The following AKAP6 variants were observed in gnomAD, a reference collection of about 807,000 sequenced individuals.
AKAP6 encodes the protein A-kinase anchoring protein 6.
In AKAP6, 58 loss-of-function variants were observed where a neutral mutation model predicts 188.5. The observed-to-expected ratio is 0.31, with a 90% CI of 0.25 to 0.38. AKAP6 has a LOEUF of 0.38. Ranked by LOEUF, AKAP6 falls within the 10% of genes least tolerant of loss-of-function variation. The probability of loss-of-function intolerance (pLI) is 1.00; values close to 1 mark genes in which losing one functional copy is unlikely to be tolerated. For missense variants in AKAP6, 2,710 were observed against 2,740.0 expected (o/e 0.99, Z 0.24); for synonymous variants, 989 against 998.6 (o/e 0.99, Z 0.18).
At chr14:32,628,129 C>T (rs1002726523) in intron 7 of AKAP6, 3 of 152,062 alleles carry the variant, frequency 2.0e-5, no homozygotes, top group African/African-American at 7.2e-5. Context: ...ACACAATAAT[C>T]TTCCACAGAG....
At chr14:32,622,499 C>G (rs529960777) in intron 7 of AKAP6, among the ~76,000 whole-genome samples, 3 of 152,012 alleles carry the variant, frequency 2.0e-5, no homozygotes, top group African/African-American at 7.2e-5. Context: ...ATATAAGGTG[C>G]TGACCCTAGG....
At chr14:32,398,285 T>G (rs574762866) in intron 1 of AKAP6, among the ~76,000 whole-genome samples, 15 of 152,324 alleles carry the variant, frequency 9.8e-5, no homozygotes, top group Admixed American at 3.3e-4. Flanking sequence ...ATTGTGTGTG[T>G]GGGGCCTTCT....
At chr14:32,447,829 TG>T (rs1186167352) in intron 2 of AKAP6, among the ~76,000 whole-genome samples, 2 of 152,222 alleles carry the variant, frequency 1.3e-5, no homozygotes, top group Non-Finnish European at 2.9e-5. Context: ...TGCTCACTCA[TG>T]GCCTTCTCTC....
chr14:32,569,271 T>C (rs576901497), intron 4 of AKAP6, among the ~76,000 whole-genome samples: 3 of 152,246 alleles, frequency 2.0e-5, no homozygotes, highest in Non-Finnish European at 4.4e-5. Context: ...AGCCTTCTCA[T>C]TCAACCTTTA....
intron 7 of AKAP6, among the ~76,000 whole-genome samples, chr14:32,655,098 A>G (rs1888402315): frequency 6.6e-6 from 1 of 152,204 alleles, no homozygotes; most frequent in East Asian, 1.9e-4. Flanking sequence ...TTGATTAATG[A>G]AGTAAAAATA....
At chr14:32,437,329 AGCTACTCATTACCTAACTT>A (rs1050627898) in intron 2 of AKAP6, among the ~76,000 whole-genome samples, 1 of 152,170 alleles carries the variant, frequency 6.6e-6, no homozygotes, top group African/African-American at 2.4e-5. Context: ...CAAAAAAAGA[AGCTACTCATTACCTAACTT>A]GTCTACACAC....
At chr14:32,582,868 G>A (rs1375489192) in intron 5 of AKAP6, among the ~76,000 whole-genome samples, 2 of 151,912 alleles carry the variant, frequency 1.3e-5, no homozygotes, top group Non-Finnish European at 2.9e-5. Context: ...CTCTGTATTG[G>A]TTATTCTAGT....
chr14:32,809,376 A>G (rs1469442764), intron 12 of AKAP6, among the ~76,000 whole-genome samples: 1 of 152,228 alleles, frequency 6.6e-6, no homozygotes, highest in South Asian at 2.1e-4. Flanking sequence ...TCAGTCTTCA[A>G]TCTGACACTT....
chr14:32,719,212 T>G (rs76003156), intron 9 of AKAP6, among the ~76,000 whole-genome samples: 46 of 152,282 alleles, frequency 3.0e-4, no homozygotes, highest in African/African-American at 1.1e-3. Context: ...GCACTTGCAT[T>G]GTGTTTTGGG....
chr14:32,466,845 A>ATATATATATATATATATAT (rs1555331130), intron 2 of AKAP6, among the ~76,000 whole-genome samples: 1 of 144,222 alleles, frequency 6.9e-6, no homozygotes, highest in African/African-American at 2.6e-5. Flanking sequence ...ATATATATAT[A>ATATATATATATATATATAT]TTTTCTTTCT....
chr14:32,389,881 G>C (rs1259382487), intron 1 of AKAP6, among the ~76,000 whole-genome samples: 1 of 152,080 alleles, frequency 6.6e-6, no homozygotes, highest in African/African-American at 2.4e-5. Context: ...CTTGTATTTG[G>C]ATGTGTGGGT....
intron 1 of AKAP6, among the ~76,000 whole-genome samples, chr14:32,342,683 T>C (rs1337266849): frequency 6.6e-6 from 1 of 152,110 alleles, no homozygotes; most frequent in African/African-American, 2.4e-5. Context: ...TGCACTGTGG[T>C]AAAGAGAGGA....
Position 32,332,642 on chromosome 14 carries a change from T to C in AKAP6, c.-35+3234T>C, listed in dbSNP as rs117341528. 6.4e-3 allele frequency among the ~76,000 whole-genome samples: 978 copies of C among 152,238 alleles called. 11 individuals carry two copies. Among genetic ancestry groups the C allele is most frequent in the Middle Eastern group, 0.014 (4 of 294 alleles). Reference sequence around the variant, plus strand: ...AAACCTGTCTTATCAGCTATATTTGTGGTGCTTTGTTAACTTTAAGATGTT... The same window carrying C: ...AAACCTGTCTTATCAGCTATATTTGCGGTGCTTTGTTAACTTTAAGATGTT... On this transcript the variant is annotated intron_variant, in intron 1 of 13. Coordinates refer to ENST00000280979, the MANE Select transcript of AKAP6 (RefSeq NM_004274.5).
At chr14:32,561,285 T>C (rs1594744930) in intron 4 of AKAP6, among the ~76,000 whole-genome samples, 1 of 152,160 alleles carries the variant, frequency 6.6e-6, no homozygotes, top group Non-Finnish European at 1.5e-5. Context: ...ATCTAGGGAA[T>C]TAGCACCATA....
At chr14:32,789,421 TGGGTGAGACCTCCCAACAG>T (rs2033537791) in intron 12 of AKAP6, among the ~76,000 whole-genome samples, 1 of 152,224 alleles carries the variant, frequency 6.6e-6, no homozygotes, top group Non-Finnish European at 1.5e-5. Flanking sequence ...TCCTCCTGAC[TGGGTGAGACCTCCCAACAG>T]GGGTCTCCAG....
At chr14:32,523,472 CTT>C (rs553132622) in intron 2 of AKAP6, among the ~76,000 whole-genome samples, 13 of 142,744 alleles carry the variant, frequency 9.1e-5, no homozygotes, top group East Asian at 2.0e-4. Context: ...CTCTCTCTCT[CTT>C]TTTTTTTTTT....
At chr14:32,818,737 C>T (rs1473483532) in intron 12 of AKAP6, among the ~76,000 whole-genome samples, 2 of 152,100 alleles carry the variant, frequency 1.3e-5, no homozygotes, top group Non-Finnish European at 2.9e-5. Flanking sequence ...GAAGATGAGT[C>T]TGACTTGCAG....
chr14:32,423,995 A>G (rs186833572), intron 1 of AKAP6, among the ~76,000 whole-genome samples: 20 of 152,206 alleles, frequency 1.3e-4, no homozygotes, highest in Admixed American at 5.9e-4. Flanking sequence ...TCAAACTTGT[A>G]TTCATTCTCT....
intron 2 of AKAP6, among the ~76,000 whole-genome samples, chr14:32,482,982 T>A (rs1437413481): frequency 8.5e-6 from 1 of 117,756 alleles, no homozygotes; most frequent in African/African-American, 2.9e-5. Context: ...TCTGTGTGTG[T>A]GTGTGTGTAT....
Sources: allele counts gnomAD v4.1 joint callset (sites outside exome capture counted in the v4.1 genomes callset), GRCh38; gene constraint gnomAD v4.1.1; transcripts MANE v1.5; gene names NCBI Gene and HGNC (gene_info 2026-07-23, HGNC 2026-07-21).